Variants in PHC2 observed in about 807,000 individuals in gnomAD.
PHC2 encodes the protein polyhomeotic-like protein 2.
PHC2 carries 29 observed loss-of-function variants against 87.4 expected under a neutral mutation model. The observed-to-expected ratio is 0.33, with a 90% CI of 0.25 to 0.45. The LOEUF is 0.45. Ranked by LOEUF, PHC2 falls within the 20% of genes least tolerant of loss-of-function variation. The pLI is 1.00. For synonymous variants in PHC2, 438 were observed against 461.7 expected (o/e 0.95, Z 0.66); for missense variants, 857 against 1,136.7 (o/e 0.75, Z 3.54).
chr1:33,329,979 C>T lies in PHC2; in HGVS notation c.2148+92G>A, dbSNP rs1361454024. On this transcript the variant is annotated intron_variant, in intron 13 of 14. Coordinates refer to ENST00000683057, the MANE Select transcript of PHC2 (RefSeq NM_001385109.1). Reference sequence around the variant, plus strand: ...AGAGCACAGCAGAGTGCGCTGAAGTCGGCAGCTGGAGGGGACCGTGGTGTC... The same window carrying T: ...AGAGCACAGCAGAGTGCGCTGAAGTTGGCAGCTGGAGGGGACCGTGGTGTC... The T allele has an allele frequency of 1.4e-5, 20 of 1,418,524 alleles. No homozygotes were observed. The East Asian group carries it at 2.8e-4, about 20-fold the overall frequency. The allele number at this position is 1,418,524 out of a possible 1,614,324, so 87.9% of individuals were successfully genotyped here.
At chr1:33,348,469 C>T (rs976594404) in intron 9 of PHC2, among the ~76,000 whole-genome samples, 1 of 152,152 alleles carries the variant, frequency 6.6e-6, no homozygotes, top group Non-Finnish European at 1.5e-5. Flanking sequence ...AGCCAAATGG[C>T]TGGAAAAGGC....
chr1:33,430,668 G>A (rs984947269), intron 1 of PHC2, among the ~76,000 whole-genome samples: 4 of 151,998 alleles, frequency 2.6e-5, no homozygotes, highest in Admixed American at 2.6e-4. Flanking sequence ...TCGGCCCCAG[G>A]CTCTCCGCAG....
chr1:33,343,128 C>T (rs923737673), intron 9 of PHC2, among the ~76,000 whole-genome samples: 8 of 152,148 alleles, frequency 5.3e-5, no homozygotes, highest in African/African-American at 1.7e-4. Flanking sequence ...TGAATACACG[C>T]AGAAGCTGTG....
chr1:33,347,838 A>G (rs1646873776), intron 9 of PHC2: 2 of 614,726 alleles, frequency 3.3e-6, no homozygotes, highest in African/African-American at 2.0e-5. Context: ...TCTGCGAAAC[A>G]AGCCCGCCCT....
At position 33,364,340 on chromosome 1, in the gene PHC2, G is replaced by A. The variant is rs1341542052; in HGVS notation, c.976+2776C>T. ...ACAAACAAAAAATGTGTGCGCGCTCGCTTGCTTTCTCTCTCCCAGACACAC... is the reference window on the plus strand; with the variant it reads ...ACAAACAAAAAATGTGTGCGCGCTCACTTGCTTTCTCTCTCCCAGACACAC... On this transcript the variant is annotated intron_variant, in intron 7 of 14. Transcript: ENST00000683057. The surrounding 1 kb of genome is among the most constrained non-coding windows in gnomAD (Gnocchi z 4.1). Among the ~76,000 whole-genome samples, 4 of 151,392 alleles carry A rather than the reference G, an allele frequency of 2.6e-5. No homozygotes were observed. Among genetic ancestry groups the A allele is most frequent in the African/African-American group, 7.3e-5 (3 of 41,156 alleles).
At chr1:33,329,292 T>C in intron 13 of PHC2, 146 bp from the exon 14 acceptor site, 1 of 739,544 alleles carries the variant, frequency 1.4e-6, no homozygotes, top group Non-Finnish European at 2.2e-6. Flanking sequence ...CATGCTGTCC[T>C]GTCTCCTACC....
At position 33,332,468 on chromosome 1, in the gene PHC2, C is replaced by G; in HGVS notation, c.1762-64G>C. On this transcript the variant is annotated intron_variant, in intron 10 of 14. Transcript: ENST00000683057. The surrounding 1 kb of genome is among the most constrained non-coding windows in gnomAD (Gnocchi z 4.2). The stretch of plus-strand genomic sequence containing the variant: ...GGGAGCGGCTTCCTTGCTATCCATC[C>G]TCATCACAATTACACGTATAAAGTA... 5 of 1,591,158 alleles carry G rather than the reference C, an allele frequency of 3.1e-6. No homozygotes were observed. Among genetic ancestry groups the G allele is most frequent in the Non-Finnish European group, 4.3e-6 (5 of 1,160,540 alleles).
At chr1:33,370,340 T>A in intron 5 of PHC2, 81 bp downstream of exon 5, 37 of 1,139,636 alleles carry the variant, frequency 3.2e-5, no homozygotes, top group East Asian at 9.2e-5. Context: ...CTCCCCACCC[T>A]TCTCCAGCTC....
intron 1 of PHC2, among the ~76,000 whole-genome samples, chr1:33,429,667 AC>A (rs1650819687): frequency 6.6e-6 from 1 of 152,224 alleles, no homozygotes; most frequent in South Asian, 2.1e-4. Flanking sequence ...TTCTTTCAGG[AC>A]AAGGACTAAT....
Position 33,399,229 on chromosome 1 carries a change from G to A in PHC2, c.-54-23636C>T, listed in dbSNP as rs150932513. Among the ~76,000 whole-genome samples, 114 of 152,124 alleles carry A rather than the reference G, an allele frequency of 7.5e-4. 1 individual carries two copies. The East Asian group carries it at 0.018, about 25-fold the overall frequency. The stretch of plus-strand genomic sequence containing the variant: ...AAGCAGAAAGAACAATCCTTGAAGG[G>A]ACCCTACAAGGAATAAAGAGGATGT... On this transcript the variant is annotated intron_variant, in intron 1 of 14. Coordinates refer to ENST00000683057, the MANE Select transcript of PHC2 (RefSeq NM_001385109.1).
chr1:33,424,692 G>A (rs1192899450), intron 1 of PHC2, among the ~76,000 whole-genome samples: 3 of 152,068 alleles, frequency 2.0e-5, no homozygotes, highest in Non-Finnish European at 4.4e-5. Flanking sequence ...ATATGTATTC[G>A]GAATGTTTCT....
chr1:33,343,101 T>C (rs927311800), intron 9 of PHC2, among the ~76,000 whole-genome samples: 3 of 152,124 alleles, frequency 2.0e-5, no homozygotes, highest in African/African-American at 7.2e-5. Flanking sequence ...ATATTATATA[T>C]GTAAAATGCC....
At chr1:33,383,262 T>C (rs1324864283) in intron 1 of PHC2, among the ~76,000 whole-genome samples, 2 of 152,186 alleles carry the variant, frequency 1.3e-5, no homozygotes, top group African/African-American at 4.8e-5. Context: ...TCCAAATGGA[T>C]GCAGCTCAAA....
intron 2 of PHC2, among the ~76,000 whole-genome samples, chr1:33,374,527 T>A (rs573606323): frequency 8.3e-4 from 126 of 152,324 alleles, no homozygotes; most frequent in African/African-American, 2.9e-3. Flanking sequence ...CAGGCCCTCT[T>A]ACTGTCTGTT....
Position 33,334,433 on chromosome 1 carries a change from C to T in PHC2, c.1559-141G>A, listed in dbSNP as rs114578011. On this transcript the variant is annotated intron_variant, in intron 9 of 14. Coordinates refer to ENST00000683057, the MANE Select transcript of PHC2 (RefSeq NM_001385109.1). This position sits in a 1 kb window ranked among gnomAD's most constrained non-coding sequence, Gnocchi z 5.5. Reference sequence around the variant, plus strand: ...AATGCAAACCAAGCAGTCCCCTCCCCTCAGTGACCCATTTAAAAGTGGCAC... The same window carrying T: ...AATGCAAACCAAGCAGTCCCCTCCCTTCAGTGACCCATTTAAAAGTGGCAC... 1,161 of 686,402 alleles carry T rather than the reference C, an allele frequency of 1.7e-3. 13 individuals are homozygous for T. In the African/African-American group the frequency reaches 0.019, roughly 11 times the overall value. 42.5% of individuals were successfully genotyped at this position (686,402 alleles called of 1,614,324 possible).
intron 7 of PHC2, among the ~76,000 whole-genome samples, chr1:33,357,633 A>G (rs1300237623): frequency 6.6e-6 from 1 of 152,208 alleles, no homozygotes; most frequent in Non-Finnish European, 1.5e-5. Flanking sequence ...ATGCCAGCAG[A>G]CATTTGGTGA....
At chr1:33,342,514 C>T (rs1259432444) in intron 9 of PHC2, among the ~76,000 whole-genome samples, 3 of 151,768 alleles carry the variant, frequency 2.0e-5, no homozygotes, top group Non-Finnish European at 2.9e-5. Flanking sequence ...AGCGAACAGC[C>T]ACCCTCCCCC....
intron 1 of PHC2, among the ~76,000 whole-genome samples, chr1:33,424,262 T>C (rs1425387794): frequency 6.6e-6 from 1 of 152,210 alleles, no homozygotes; most frequent in Non-Finnish European, 1.5e-5. Context: ...ATAATAGTCA[T>C]CATTTGTTCT....
At chr1:33,413,113 T>C (rs1156286590) in intron 1 of PHC2, among the ~76,000 whole-genome samples, 5 of 152,188 alleles carry the variant, frequency 3.3e-5, no homozygotes, top group Non-Finnish European at 5.9e-5. Context: ...ATTATAGGCA[T>C]GTGCCACCAC....
Sources: allele counts gnomAD v4.1 joint callset (sites outside exome capture counted in the v4.1 genomes callset), GRCh38; gene constraint gnomAD v4.1.1; non-coding constraint Gnocchi (gnomAD v3.1); transcripts MANE v1.5; gene names NCBI Gene and HGNC (gene_info 2026-07-23, HGNC 2026-07-21).